The following GRIP1 variants were observed in gnomAD, a reference collection of about 807,000 sequenced individuals.
GRIP1 encodes glutamate receptor interacting protein 1.
A neutral mutation model predicts 129.9 loss-of-function variants in GRIP1; 45 were observed. The observed-to-expected ratio is 0.35, with a 90% CI of 0.27 to 0.44. The LOEUF (loss-of-function observed/expected upper bound fraction) is 0.44. Ranked by LOEUF, GRIP1 falls within the 20% of genes least tolerant of loss-of-function variation. The pLI, the probability that GRIP1 is intolerant of heterozygous loss-of-function variation, is 1.00. For missense variants in GRIP1, 1,196 were observed against 1,396.8 expected (o/e 0.86, Z 2.29); for synonymous variants, 530 against 520.8 (o/e 1.02, Z -0.24).
At chr12:66,866,334 G>A (rs188833369) in intron 1 of GRIP1, among the ~76,000 whole-genome samples, 46 of 152,214 alleles carry the variant, frequency 3.0e-4, no homozygotes, top group African/African-American at 1.1e-3. Context: ...TTAGCCAAGT[G>A]TAGTGGTGCA....
In GRIP1 at chr12:66,462,958, A is replaced by T. The variant is rs760685191; in HGVS notation, c.1008T>A (p.His336Gln). Residue 336 changes from histidine to glutamine, a missense_variant, in exon 9 of 25, where the codon CAT becomes CAA. Physicochemically the swap from His to Gln is conservative, Grantham distance 24. Coordinates refer to ENST00000359742, the MANE Select transcript of GRIP1 (RefSeq NM_001366722.1). ...GCCCCTTTAGGGCCAGCCGGGTCTG[A>T]TGATGGGGAAGGATCTCAAGCTTGA... ...DQVKLEILPH[H>Q]QTRLALKGPD... The T allele has an allele frequency of 1.9e-6, 3 of 1,614,086 alleles. No individual in the cohort carries two copies. Among genetic ancestry groups the T allele is most frequent in the Non-Finnish European group, 2.5e-6 (3 of 1,180,010 alleles).
At chr12:66,831,357 A>G (rs942549959) in intron 1 of GRIP1, among the ~76,000 whole-genome samples, 11 of 152,240 alleles carry the variant, frequency 7.2e-5, no homozygotes, top group Admixed American at 2.0e-4. Context: ...TTATATTTTT[A>G]TGGACTTAGA....
At chr12:66,688,387 C>CA (rs1199139080) in intron 1 of GRIP1, among the ~76,000 whole-genome samples, 1 of 152,116 alleles carries the variant, frequency 6.6e-6, no homozygotes, top group Non-Finnish European at 1.5e-5. Context: ...TGTCAATTTT[C>CA]AAGTGCTTTA....
chr12:66,786,292 A>G (rs1021869837), intron 1 of GRIP1, among the ~76,000 whole-genome samples: 2 of 152,170 alleles, frequency 1.3e-5, no homozygotes, highest in African/African-American at 4.8e-5. Flanking sequence ...GGTCAGATAG[A>G]GGAAAGAGGA....
At chr12:66,877,567 CAA>C in intron 1 of GRIP1, among the ~76,000 whole-genome samples, 1 of 152,172 alleles carries the variant, frequency 6.6e-6, no homozygotes, top group African/African-American at 2.4e-5. Context: ...AGCCAAAAAT[CAA>C]AAGTTAATTA....
chr12:66,679,162 A>T, upstream of GRIP1: 2 of 1,391,746 alleles, frequency 1.4e-6, no homozygotes, highest in Middle Eastern at 5.5e-4. Context: ...TTAGAAAGTA[A>T]TGCCGTTTCG....
In GRIP1 at chr12:66,392,443, C is replaced by A. The variant is rs373844044; in HGVS notation, c.2329G>T (p.Asp777Tyr). 6.2e-7 allele frequency: 1 copy of A among 1,614,008 alleles called. No homozygotes were observed. The highest frequency in any genetic ancestry group is 1.1e-5 in the South Asian group (1 of 91,078). Reference sequence around the variant, plus strand: ...GCTGGTGAGGAGTCCTCCTCCACATCCCCCAGGTCACTCAAATGGCTAGAA... The same window carrying A: ...GCTGGTGAGGAGTCCTCCTCCACATACCCCAGGTCACTCAAATGGCTAGAA... ...PISSHLSDLG[D>Y]VEEDSSPAQK... Residue 777 changes from aspartate (D) to tyrosine (Y), a missense_variant, in exon 19 of 25, where the codon GAT becomes TAT. Around this residue, in one of 5 missense-constraint regions of GRIP1, gnomAD observed 427 missense variants for 463.3 expected, o/e 0.92. Coordinates refer to ENST00000359742, the MANE Select transcript of GRIP1 (RefSeq NM_001366722.1).
intron 1 of GRIP1, among the ~76,000 whole-genome samples, chr12:66,716,580 A>G (rs1458769294): frequency 7.9e-5 from 12 of 151,806 alleles, no homozygotes; most frequent in Admixed American, 7.2e-4. Context: ...ATGTGCACAC[A>G]TGCAGGTTTC....
chr12:66,896,104 A>G (rs914602906), intron 1 of GRIP1, among the ~76,000 whole-genome samples: 5 of 152,196 alleles, frequency 3.3e-5, no homozygotes, highest in African/African-American at 1.2e-4. Flanking sequence ...GAAAAACTGT[A>G]TTTAAAGTAT....
chr12:66,486,260 A>C (rs2059951639), intron 7 of GRIP1, among the ~76,000 whole-genome samples: 1 of 150,640 alleles, frequency 6.6e-6, no homozygotes, highest in South Asian at 2.1e-4. Context: ...TGATAGACTG[A>C]CATGGTTTAT....
At chr12:67,034,854 A>G (rs1320440600) in intron 1 of GRIP1, among the ~76,000 whole-genome samples, 1 of 152,228 alleles carries the variant, frequency 6.6e-6, no homozygotes, top group Non-Finnish European at 1.5e-5. Context: ...CCAAAACCTC[A>G]TTATGCAGCA....
chr12:66,713,002 A>G (rs2136407010), intron 1 of GRIP1, among the ~76,000 whole-genome samples: 1 of 152,138 alleles, frequency 6.6e-6, no homozygotes, highest in Middle Eastern at 3.4e-3. Flanking sequence ...ATGAGTGAAC[A>G]TGACATACTC....
At chr12:66,948,399 A>G (rs1435741736) in intron 1 of GRIP1, among the ~76,000 whole-genome samples, 1 of 152,138 alleles carries the variant, frequency 6.6e-6, no homozygotes, top group Non-Finnish European at 1.5e-5. Context: ...CTTGACATGG[A>G]AATTTATTAT....
At chr12:66,548,299 T>G (rs541436254) in intron 2 of GRIP1, among the ~76,000 whole-genome samples, 5 of 152,356 alleles carry the variant, frequency 3.3e-5, no homozygotes, top group African/African-American at 1.2e-4. Flanking sequence ...TCTGAGACAC[T>G]AAAGGCTCTG....
intron 1 of GRIP1, among the ~76,000 whole-genome samples, chr12:66,655,606 CTTTT>C: frequency 8.5e-6 from 1 of 118,044 alleles, no homozygotes; most frequent in East Asian, 2.4e-4. Flanking sequence ...TTTTTTTGTA[CTTTT>C]TTTTTTTTTT....
chr12:66,401,155 A>C (rs1034004347), intron 16 of GRIP1, among the ~76,000 whole-genome samples: 1 of 152,190 alleles, frequency 6.6e-6, no homozygotes, highest in African/African-American at 2.4e-5. Context: ...AGTGTTCCAA[A>C]AGATTTGGCC....
chr12:66,574,790 T>TTTTTTTTTTTTTTTTTA (rs55885862), intron 2 of GRIP1, among the ~76,000 whole-genome samples: 2 of 142,150 alleles, frequency 1.4e-5, no homozygotes, highest in Admixed American at 7.2e-5. Flanking sequence ...CACTTTTCTT[T>TTTTTTTTTTTTTTTTTA]TTTTTTTTTT....
At chr12:66,771,174 T>A (rs559750190) in intron 1 of GRIP1, among the ~76,000 whole-genome samples, 5 of 152,268 alleles carry the variant, frequency 3.3e-5, no homozygotes, top group Non-Finnish European at 5.9e-5. Flanking sequence ...TGCCGAAGAC[T>A]CAGAATCAGA....
chr12:66,541,690 G>T, intron 3 of GRIP1, 125 bp downstream of exon 3: 1 of 988,840 alleles, frequency 1.0e-6, no homozygotes, highest in Non-Finnish European at 1.6e-6. Flanking sequence ...GCTTCTGCTG[G>T]CCTGTGCTGC....
Sources: allele counts gnomAD v4.1 joint callset (sites outside exome capture counted in the v4.1 genomes callset), GRCh38; gene constraint gnomAD v4.1.1; regional missense constraint gnomAD v4.1.1; transcripts MANE v1.5; gene names NCBI Gene and HGNC (gene_info 2026-07-23, HGNC 2026-07-21).